Variants in NTRK3 observed in about 807,000 individuals in gnomAD.
NTRK3 encodes the protein NT-3 growth factor receptor.
In NTRK3, 24 loss-of-function variants were observed where a neutral mutation model predicts 91.7. The observed-to-expected ratio is 0.26, with a 90% CI of 0.19 to 0.37. The LOEUF (loss-of-function observed/expected upper bound fraction) is 0.37, where lower values mean the gene tolerates loss of function less well. NTRK3 is among the 10% of genes least tolerant of loss of function. The pLI is 1.00. For missense variants in NTRK3, 880 were observed against 1,068.9 expected, an observed-to-expected ratio of 0.82 and a Z score of 2.46; for synonymous variants, 483 against 404.0, an observed-to-expected ratio of 1.20 and a Z score of -2.34.
At chr15:88,094,087 C>T (rs538487572) in intron 13 of NTRK3, among the ~76,000 whole-genome samples, 1 of 152,230 alleles carries the variant, frequency 6.6e-6, no homozygotes, top group South Asian at 2.1e-4. Context: ...TGTGTGGCTC[C>T]TTGGCAAGTC....
At chr15:87,961,282 T>C (rs1418847378) in intron 14 of NTRK3, among the ~76,000 whole-genome samples, 5 of 152,204 alleles carry the variant, frequency 3.3e-5, no homozygotes. Flanking sequence ...GTAAACCTGA[T>C]GCATAGCCTA....
At chr15:87,968,784 A>G (rs949212346) in intron 14 of NTRK3, among the ~76,000 whole-genome samples, 44 of 152,090 alleles carry the variant, frequency 2.9e-4, no homozygotes, top group Non-Finnish European at 5.0e-4. Flanking sequence ...GATGGAAGAG[A>G]GAGCATGTGA....
chr15:87,884,061 T>C (rs1397906333), intron 17 of NTRK3, among the ~76,000 whole-genome samples: 2 of 142,568 alleles, frequency 1.4e-5, no homozygotes, highest in Non-Finnish European at 3.1e-5. Flanking sequence ...TAAAATAAAA[T>C]AAATACTGAT....
intron 13 of NTRK3, among the ~76,000 whole-genome samples, chr15:88,077,520 C>A (rs1409315978): frequency 6.6e-6 from 1 of 152,056 alleles, no homozygotes; most frequent in African/African-American, 2.4e-5. Context: ...TTGAGAAACC[C>A]GGCACTTTGG....
chr15:87,952,665 C>G lies in NTRK3; in HGVS notation c.1586-11912G>C, dbSNP rs551280143. 1.0e-3 allele frequency among the ~76,000 whole-genome samples: 153 copies of G among 152,344 alleles called. 1 individual carries two copies. The highest frequency in any genetic ancestry group is 3.4e-3 in the Middle Eastern group (1 of 294). On this transcript the variant is annotated intron_variant, in intron 14 of 18. Transcript: ENST00000394480. ...GGCACCATCTCCTTCCGCGTGACCT[C>G]TGCATTTGGACACCGTTTCCATCAG... is the stretch of plus-strand genomic sequence containing the variant.
At chr15:88,181,832 G>A (rs1261998086) in intron 5 of NTRK3, among the ~76,000 whole-genome samples, 2 of 152,210 alleles carry the variant, frequency 1.3e-5, no homozygotes, top group Admixed American at 1.3e-4. Flanking sequence ...CCTCTTTGGA[G>A]GGGACACGTG....
chr15:88,132,644 C>A (rs2041474633), intron 10 of NTRK3, among the ~76,000 whole-genome samples: 1 of 152,166 alleles, frequency 6.6e-6, no homozygotes, highest in South Asian at 2.1e-4. Context: ...AAGAGAAGAG[C>A]AAGAATCACA....
rs1287704100 is a variant in NTRK3, at chr15:88,237,607, T to C, written c.248+18299A>G. Among the ~76,000 whole-genome samples the C allele has an allele frequency of 6.6e-6, 1 of 152,236 alleles. No homozygotes were observed. The highest frequency in any genetic ancestry group is 1.5e-5 in the Non-Finnish European group (1 of 68,030). ...CTAAATTTAAAACACAGAACTGTCC[T>C]GTGGACCCTTCTCAGATGTTGCACT... On this transcript the variant is annotated intron_variant, in intron 3 of 18. Transcript: ENST00000394480. The surrounding 1 kb of genome is among the most constrained non-coding windows in gnomAD (Gnocchi z 4.0).
chr15:88,029,301 G>A (rs1231727306), intron 14 of NTRK3, among the ~76,000 whole-genome samples: 1 of 152,202 alleles, frequency 6.6e-6, no homozygotes, highest in Non-Finnish European at 1.5e-5. Context: ...ATAGGTGTGG[G>A]GATGCAAGCA....
Position 87,929,454 on chromosome 15 carries a change from A to G in NTRK3, c.1890-20T>C, listed in dbSNP as rs202233919. 1 of 1,612,962 alleles carries G rather than the reference A, an allele frequency of 6.2e-7. No homozygotes were observed. Among genetic ancestry groups the G allele is most frequent in the East Asian group, 2.2e-5 (1 of 44,844 alleles). ...TGGGCCCTGCAAGAGCATGGGGAGA[A>G]GAGAGGGGGCAGAGAGAAATCAGGA... On this transcript the variant is annotated intron_variant, in intron 16 of 18. Transcript: ENST00000394480.
chr15:88,109,596 A>G (rs1221842239), intron 13 of NTRK3, among the ~76,000 whole-genome samples: 1 of 152,170 alleles, frequency 6.6e-6, no homozygotes, highest in Non-Finnish European at 1.5e-5. Context: ...CTATTCCTTT[A>G]AAGTTCCAAG....
chr15:88,109,561 G>A (rs926455927), intron 13 of NTRK3, among the ~76,000 whole-genome samples: 27 of 152,168 alleles, frequency 1.8e-4, no homozygotes, highest in Admixed American at 3.3e-4. Flanking sequence ...AGCTTTTCCC[G>A]CCATGTTTTC....
intron 17 of NTRK3, among the ~76,000 whole-genome samples, chr15:87,913,469 A>G (rs140943756): frequency 6.6e-6 from 1 of 152,194 alleles, no homozygotes; most frequent in African/African-American, 2.4e-5. Flanking sequence ...CCTCTTTTCT[A>G]CTTTCATGGC....
At chr15:88,139,091 TGAA>T in intron 6 of NTRK3, among the ~76,000 whole-genome samples, 1 of 152,272 alleles carries the variant, frequency 6.6e-6, no homozygotes, top group Middle Eastern at 3.4e-3. Context: ...GACACAGAGA[TGAA>T]GAAGACAGTC....
At chr15:88,239,834 G>A (rs2052153173) in intron 3 of NTRK3, among the ~76,000 whole-genome samples, 2 of 152,180 alleles carry the variant, frequency 1.3e-5, no homozygotes, top group South Asian at 2.1e-4. Flanking sequence ...GGAGTACAGT[G>A]TGAAAGCCAT....
intron 17 of NTRK3, among the ~76,000 whole-genome samples, chr15:87,905,251 A>G (rs1178616089): frequency 6.6e-6 from 1 of 152,236 alleles, no homozygotes. Flanking sequence ...AATATGCTCT[A>G]AAACTCCAAG....
intron 3 of NTRK3, among the ~76,000 whole-genome samples, chr15:88,215,016 G>C (rs2049619292): frequency 6.6e-6 from 1 of 152,168 alleles, no homozygotes; most frequent in Non-Finnish European, 1.5e-5. Context: ...GAAGTTGACA[G>C]CCCCAGGAAG....
intron 17 of NTRK3, among the ~76,000 whole-genome samples, chr15:87,896,237 C>A (rs1342448814): frequency 6.6e-6 from 1 of 152,102 alleles, no homozygotes; most frequent in Non-Finnish European, 1.5e-5. Context: ...CTTTGGGAGG[C>A]CGAGGCACGC....
chr15:87,904,836 G>A (rs2066663864), intron 17 of NTRK3, among the ~76,000 whole-genome samples: 1 of 152,172 alleles, frequency 6.6e-6, no homozygotes, highest in South Asian at 2.1e-4. Flanking sequence ...GAAGAGAGAA[G>A]CCAACTGTGT....
Sources: gnomAD v4.1 joint callset for allele counts (sites outside exome capture counted in the v4.1 genomes callset) on GRCh38, gnomAD v4.1.1 for gene constraint, Gnocchi (gnomAD v3.1) non-coding constraint, MANE v1.5 for transcripts, NCBI Gene and HGNC (gene_info 2026-07-23, HGNC 2026-07-21) for gene names.